CALCRL: variants seen among roughly 807,000 people sequenced by gnomAD.
The protein encoded by CALCRL is calcitonin gene-related peptide type 1 receptor.
Under a neutral mutation model 60.4 loss-of-function variants are expected in CALCRL, and 27 were observed. The ratio of observed to expected loss-of-function variants is 0.45; its 90% CI spans 0.33 to 0.62. CALCRL has a LOEUF of 0.62. CALCRL is among the 20% of genes least tolerant of loss of function. The pLI is 0.03. For synonymous variants in CALCRL, 190 were observed against 182.6 expected (o/e 1.04, Z -0.33); for missense variants, 424 against 540.7 (o/e 0.78, Z 2.14).
At chr2:187,391,482 G>T (rs1688444188) in intron 1 of CALCRL, among the ~76,000 whole-genome samples, 1 of 152,028 alleles carries the variant, frequency 6.6e-6, no homozygotes, top group Non-Finnish European at 1.5e-5. Context: ...ATGTTCCAAG[G>T]TTTGTTTAGT....
rs1686222151 is a variant in CALCRL, at chr2:187,345,090, A to T, written c.*1094T>A. 1 of 152,194 alleles carries T rather than the reference A, an allele frequency of 6.6e-6. No homozygotes were observed. Among genetic ancestry groups the T allele is most frequent in the Non-Finnish European group, 1.5e-5 (1 of 67,778 alleles). 9.4% of individuals were successfully genotyped at this position (152,194 alleles called of 1,614,324 possible). A position where few individuals can be genotyped will look rare whatever the true frequency, so the allele number is the denominator to read the frequency against. On this transcript the variant is annotated 3_prime_UTR_variant, in exon 15 of 15. Coordinates refer to ENST00000392370, the MANE Select transcript of CALCRL (RefSeq NM_005795.6). ...ATGCTGGCATCTGGTTGTCTTTAAA[A>T]TATTTACCAAATATAGCATTCCAGA... is the stretch of plus-strand genomic sequence containing the variant.
rs1484755888 is a variant in CALCRL at position 187,375,044 on chromosome 2, G to A, written c.500+3896C>T. 4.0e-5 allele frequency among the ~76,000 whole-genome samples: 6 copies of A among 151,286 alleles called. No individual in the cohort carries two copies. In the South Asian group the frequency reaches 6.3e-4, roughly 16 times the overall value. On this transcript the variant is annotated intron_variant, in intron 8 of 14. Transcript: ENST00000392370. ...TCCCAGCACTTTGGGAGGCCGAGGC[G>A]GGTGGATCATGAGGTCAGGAGATCG...
chr2:187,422,601 T>C (rs1448567725), intron 1 of CALCRL, among the ~76,000 whole-genome samples: 2 of 152,092 alleles, frequency 1.3e-5, no homozygotes, highest in African/African-American at 4.8e-5. Flanking sequence ...ATAGTAAATA[T>C]CACAGAATGC....
rs1364127304 is a variant in CALCRL at position 187,351,297 on chromosome 2, A to AAAAAAAAAAAAAG, written c.1170+622_1170+623insCTTTTTTTTTTTT. 5.9e-4 allele frequency among the ~76,000 whole-genome samples: 88 copies of AAAAAAAAAAAAAG among 148,536 alleles called. 36 individuals are homozygous for AAAAAAAAAAAAAG. Among genetic ancestry groups the AAAAAAAAAAAAAG allele is most frequent in the African/African-American group, 2.1e-3 (85 of 40,180 alleles). On this transcript the variant is annotated intron_variant, in intron 14 of 14. Transcript: ENST00000392370. ...GGGACTCCGTCTCAAAAAAAAAAAAAAAAGAAATATGTTACCAGCTTTCAA... is the reference window on the plus strand; with the variant it reads ...GGGACTCCGTCTCAAAAAAAAAAAAAAAAAAAAAAAAAGAAAGAAATATGTTACCAGCTTTCAA...
Position 187,384,716 on chromosome 2 carries a change from CA to C in CALCRL, c.51+828del, listed in dbSNP as rs1688137642. Among the ~76,000 whole-genome samples the C allele has an allele frequency of 2.0e-5, 3 of 152,006 alleles. No individual in the cohort carries two copies. In the South Asian group the frequency reaches 6.2e-4, roughly 32 times the overall value. On this transcript the variant is annotated intron_variant, in intron 4 of 14. Transcript: ENST00000392370. ...CTGGTTTAGGTTTTCTGTATTCTCC[CA>C]AGTTTCTTTGTTTCCATCTTTGTGG...
intron 3 of CALCRL, 26 bp from the exon 4 acceptor site, chr2:187,385,657 A>T (rs1574258651): frequency 8.9e-7 from 1 of 1,117,382 alleles, no homozygotes; most frequent in East Asian, 2.5e-5. Flanking sequence ...AAAGAAATAT[A>T]ATTCATCAAT....
chr2:187,382,992 T>C (rs1688041907), intron 5 of CALCRL, among the ~76,000 whole-genome samples, 181 bp downstream of exon 5: 1 of 152,162 alleles, frequency 6.6e-6, no homozygotes, highest in Admixed American at 6.5e-5. Context: ...TTTATTGTTT[T>C]TAAAAAGCGA....
At chr2:187,426,695 A>G (rs1188091071) in intron 1 of CALCRL, among the ~76,000 whole-genome samples, 1 of 152,064 alleles carries the variant, frequency 6.6e-6, no homozygotes, top group Admixed American at 6.5e-5. Flanking sequence ...TGATCACCTT[A>G]CAACAATCAT....
At chr2:187,352,571 T>TA (rs1686581393) in intron 12 of CALCRL, among the ~76,000 whole-genome samples, 1 of 151,902 alleles carries the variant, frequency 6.6e-6, no homozygotes, top group African/African-American at 2.4e-5. Context: ...ATGGTATAAT[T>TA]ACTGTGGAAC....
At chr2:187,363,242 G>GA (rs1687135436) in intron 9 of CALCRL, 134 bp downstream of exon 9, 1 of 828,506 alleles carries the variant, frequency 1.2e-6, no homozygotes, top group South Asian at 3.6e-5. Flanking sequence ...ATAAAGACTT[G>GA]AAAATATATA....
chr2:187,365,309 G>A (rs1419272158), intron 8 of CALCRL, among the ~76,000 whole-genome samples: 1 of 152,128 alleles, frequency 6.6e-6, no homozygotes, highest in Admixed American at 6.5e-5. Flanking sequence ...CATTATGAAA[G>A]TTATAGACAT....
rs376392998 is a variant in CALCRL at position 187,346,172 on chromosome 2, A to C, written c.*12T>G. 2.0e-6 allele frequency: 3 copies of C among 1,520,430 alleles called. No individual in the cohort carries two copies. Among genetic ancestry groups the C allele is most frequent in the South Asian group, 1.2e-5 (1 of 86,712 alleles). 94.2% of individuals were successfully genotyped at this position (1,520,430 alleles called of 1,614,324 possible). On this transcript the variant is annotated 3_prime_UTR_variant, in exon 15 of 15. Transcript: ENST00000392370. ...AGAAGCACAAAACAGTGAGACAACC[A>C]TCCTTCTATTTTCAATTATATAAAT...
intron 1 of CALCRL, among the ~76,000 whole-genome samples, chr2:187,419,023 ATTTTTTTT>A (rs33929530): frequency 2.2e-4 from 19 of 86,000 alleles, no homozygotes; most frequent in African/African-American, 7.6e-4. Context: ...CGTCTGGCTA[ATTTTTTTT>A]TTTTTTTTTT....
chr2:187,444,558 A>G (rs1351729283), intron 1 of CALCRL, among the ~76,000 whole-genome samples: 2 of 151,620 alleles, frequency 1.3e-5, no homozygotes, highest in Non-Finnish European at 3.0e-5. Flanking sequence ...TTTGAATAAT[A>G]CTGTCTCTTA....
At chr2:187,408,267 G>A (rs1195390522) in intron 1 of CALCRL, among the ~76,000 whole-genome samples, 2 of 151,908 alleles carry the variant, frequency 1.3e-5, no homozygotes, top group Admixed American at 6.6e-5. Context: ...CTATTTTCAT[G>A]TTTATTTATA....
At position 187,374,685 on chromosome 2, in the gene CALCRL, T is replaced by C. The variant is rs948204072; in HGVS notation, c.500+4255A>G. Among the ~76,000 whole-genome samples the C allele has an allele frequency of 5.9e-5, 9 of 152,304 alleles. No individual in the cohort carries two copies. The South Asian group carries it at 1.5e-3, about 25-fold the overall frequency. On this transcript the variant is annotated intron_variant, in intron 8 of 14. Coordinates refer to ENST00000392370, the MANE Select transcript of CALCRL (RefSeq NM_005795.6). The stretch of plus-strand genomic sequence containing the variant: ...TTTATTTTACTTTGTATTACTATTA[T>C]ATGAGTATTTCAGATGACTACATAA...
intron 1 of CALCRL, among the ~76,000 whole-genome samples, chr2:187,402,584 C>T (rs947153650): frequency 4.0e-5 from 6 of 151,660 alleles, no homozygotes; most frequent in Non-Finnish European, 7.4e-5. Flanking sequence ...ATGGTACTTT[C>T]TGTTGTACTG....
intron 1 of CALCRL, among the ~76,000 whole-genome samples, chr2:187,392,467 C>G (rs1052670563): frequency 6.6e-6 from 1 of 152,070 alleles, no homozygotes; most frequent in Non-Finnish European, 1.5e-5. Flanking sequence ...GCATATTAAA[C>G]AAGCTACATA....
At chr2:187,366,275 A>G (rs1687287051) in intron 8 of CALCRL, among the ~76,000 whole-genome samples, 1 of 144,204 alleles carries the variant, frequency 6.9e-6, no homozygotes, top group South Asian at 2.2e-4. Flanking sequence ...AAAAAGAGGA[A>G]TAAATTCTAG....
Sources: allele counts gnomAD v4.1 joint callset (sites outside exome capture counted in the v4.1 genomes callset), GRCh38; gene constraint gnomAD v4.1.1; transcripts MANE v1.5; gene names NCBI Gene and HGNC (gene_info 2026-07-23, HGNC 2026-07-21).